Variants in CACNA1E observed in about 807,000 individuals in gnomAD.
The protein encoded by CACNA1E is voltage-dependent R-type calcium channel subunit alpha-1E.
A neutral mutation model predicts 259.2 loss-of-function variants in CACNA1E; 40 were observed. The observed-to-expected ratio is 0.15, with a 90% CI of 0.12 to 0.20. CACNA1E has a LOEUF of 0.20. Ranked by LOEUF, CACNA1E falls within the 10% of genes least tolerant of loss-of-function variation. The pLI is 1.00. For missense variants in CACNA1E, 1,874 were observed against 3,040.1 expected, an observed-to-expected ratio of 0.62 and a Z score of 9.02; for synonymous variants, 1,104 against 1,138.5, an observed-to-expected ratio of 0.97 and a Z score of 0.61.
chr1:181,480,494 C>T (rs941736224), upstream of CACNA1E, among the ~76,000 whole-genome samples: 11 of 152,208 alleles, frequency 7.2e-5, no homozygotes, highest in Non-Finnish European at 1.5e-4. Flanking sequence ...GTCGCATTTG[C>T]ACATGTAGTA....
rs137990404 is a variant in CACNA1E, at chr1:181,503,944, G to A, written c.267-6533G>A. Among the ~76,000 whole-genome samples the A allele has an allele frequency of 6.2e-4, 95 of 152,296 alleles. 3 individuals carry two copies. In the East Asian group the frequency reaches 0.015, roughly 25 times the overall value. ...AGTTACACGGAAGGCTTGGATAGCT[G>A]TATTTCATTCCTGTTCATATGTAAA... On this transcript the variant is annotated intron_variant, in intron 1 of 47. Coordinates refer to ENST00000367573, the MANE Select transcript of CACNA1E (RefSeq NM_001205293.3).
intron 6 of CACNA1E, among the ~76,000 whole-genome samples, chr1:181,608,717 C>T (rs1453569862): frequency 6.6e-6 from 1 of 152,192 alleles, no homozygotes; most frequent in Non-Finnish European, 1.5e-5. Context: ...TGCTCGATGC[C>T]ACCTTCTCCC....
At position 181,345,714 on chromosome 1, in the gene CACNA1E, A is replaced by T. The variant is rs114761771; in HGVS notation, c.-15+27591A>T. On this transcript the variant is annotated intron_variant, in intron 1 of 11. Transcript: ENST00000524607. ...CTATCCAACAACCCTCATTTTACAG[A>T]TGCACAAACTGCGGCCCAGGAAGGG... is the stretch of plus-strand genomic sequence containing the variant. Among the ~76,000 whole-genome samples, 935 of 152,266 alleles carry T rather than the reference A, an allele frequency of 6.1e-3. 3 individuals are homozygous for T. The highest frequency in any genetic ancestry group is 9.4e-3 in the Non-Finnish European group (638 of 68,018).
At chr1:181,785,278 C>A in intron 41 of CACNA1E, 40 bp from the exon 42 acceptor site, 2 of 1,180,732 alleles carry the variant, frequency 1.7e-6, no homozygotes, top group Non-Finnish European at 2.5e-6. Context: ...CTCCCATTAT[C>A]TACTCCCTGT....
intron 3 of CACNA1E, among the ~76,000 whole-genome samples, chr1:181,571,555 T>G (rs564797286): frequency 2.0e-5 from 3 of 152,348 alleles, no homozygotes; most frequent in South Asian, 4.1e-4. Context: ...GCAACTCATT[T>G]ATGTCAACTA....
At chr1:181,781,326 CCTAT>C (rs1440011289) in intron 38 of CACNA1E, 97 bp from the exon 39 acceptor site, 2 of 688,056 alleles carry the variant, frequency 2.9e-6, no homozygotes, top group African/African-American at 1.8e-5. Context: ...ATTCTCCTCT[CCTAT>C]CTGTCTGCAT....
upstream of CACNA1E, among the ~76,000 whole-genome samples, chr1:181,481,374 TCA>T (rs1553257760): frequency 9.8e-4 from 134 of 137,206 alleles, 1 homozygote; most frequent in Middle Eastern, 7.2e-3. Context: ...ACACACACTC[TCA>T]CATACATTCT....
intron 3 of CACNA1E, among the ~76,000 whole-genome samples, chr1:181,531,832 A>T (rs1327803422): frequency 6.6e-6 from 1 of 152,228 alleles, no homozygotes; most frequent in African/African-American, 2.4e-5. Flanking sequence ...AGGCGGGTCC[A>T]TCACCTGAGG....
chr1:181,684,544 T>C (rs1349204016), intron 7 of CACNA1E, among the ~76,000 whole-genome samples: 2 of 152,222 alleles, frequency 1.3e-5, no homozygotes, highest in African/African-American at 4.8e-5. Context: ...CATCATGAAA[T>C]CTTTGCCAAG....
intron 1 of CACNA1E, among the ~76,000 whole-genome samples, chr1:181,352,809 G>C (rs1653137634): frequency 6.6e-6 from 1 of 152,190 alleles, no homozygotes; most frequent in African/African-American, 2.4e-5. Flanking sequence ...TCTTTGATCT[G>C]TCTCAGTGCA....
intron 25 of CACNA1E, among the ~76,000 whole-genome samples, chr1:181,739,463 G>A (rs564383206): frequency 2.2e-4 from 34 of 152,284 alleles, no homozygotes; most frequent in African/African-American, 7.9e-4. Context: ...GGGGAAGCAG[G>A]AGTAGGGAGC....
chr1:181,417,326 T>G (rs1658346520), intron 2 of CACNA1E, among the ~76,000 whole-genome samples: 1 of 152,220 alleles, frequency 6.6e-6, no homozygotes, highest in Admixed American at 6.5e-5. Flanking sequence ...AAGCTCTTTC[T>G]TCTACCAACT....
At chr1:181,737,789 C>T (rs1022843795) in intron 23 of CACNA1E, 135 bp downstream of exon 23, 6 of 1,202,046 alleles carry the variant, frequency 5.0e-6, no homozygotes, top group East Asian at 2.4e-5. Context: ...ACTCCTGTTC[C>T]TCAGGGCGAA....
At position 181,732,780 on chromosome 1, in the gene CACNA1E, G is replaced by A. The variant is rs576877445; in HGVS notation, c.2694G>A (p.Glu898=). Residue 898 remains glutamate (E), a synonymous_variant, in exon 20 of 48, where the codon GAG becomes GAA. Transcript: ENST00000367573. This position sits in a 1 kb window ranked among gnomAD's most constrained non-coding sequence, Gnocchi z 5.5. ...GAAACTGTGACCCGACTCAGCAGGA[G>A]GCAGGGGGAGGAGAGGCTGTGGTGA... The part of the protein sequence containing the change: ...CHGNCDPTQQ[E]AGGGEAVVTF... The A allele has an allele frequency of 1.3e-6, 2 of 1,590,162 alleles. No homozygotes were observed. Among genetic ancestry groups the A allele is most frequent in the Non-Finnish European group, 1.7e-6 (2 of 1,167,922 alleles).
intron 1 of CACNA1E, among the ~76,000 whole-genome samples, chr1:181,323,687 G>A (rs1335451727): frequency 6.6e-6 from 1 of 152,186 alleles, no homozygotes; most frequent in Non-Finnish European, 1.5e-5. Flanking sequence ...TGAAAAGAAG[G>A]TAAATTGAGT....
Position 181,385,295 on chromosome 1 carries a change from T to C in CACNA1E, c.-14-27838T>C, listed in dbSNP as rs189571205. Among the ~76,000 whole-genome samples, 4 of 152,358 alleles carry C rather than the reference T, an allele frequency of 2.6e-5. No homozygotes were observed. In the East Asian group the frequency reaches 7.7e-4, roughly 29 times the overall value. Reference sequence around the variant, plus strand: ...TGCAAGTAATAAAAATCATTTCATATAAAGCTGTTGAAAAACAGGCAGTGA... The same window carrying C: ...TGCAAGTAATAAAAATCATTTCATACAAAGCTGTTGAAAAACAGGCAGTGA... On this transcript the variant is annotated intron_variant, in intron 1 of 11. Coordinates refer to the CACNA1E transcript ENST00000524607.
intron 3 of CACNA1E, among the ~76,000 whole-genome samples, chr1:181,543,531 G>GT (rs1385354704): frequency 3.3e-5 from 5 of 152,178 alleles, no homozygotes; most frequent in Non-Finnish European, 7.3e-5. Flanking sequence ...CAGAACAGCC[G>GT]TAAGAGAGCT....
chr1:181,706,968 T>C (rs182549010), intron 7 of CACNA1E, among the ~76,000 whole-genome samples: 148 of 152,368 alleles, frequency 9.7e-4, no homozygotes, highest in African/African-American at 3.4e-3. Flanking sequence ...CTATGGAATC[T>C]ATCATACCAG....
chr1:181,745,934 G>A (rs1374371268), intron 25 of CACNA1E, among the ~76,000 whole-genome samples: 3 of 152,246 alleles, frequency 2.0e-5, no homozygotes, highest in South Asian at 4.1e-4. Flanking sequence ...GTATGGTGCT[G>A]TGTATAGCAA....
Sources: allele counts gnomAD v4.1 joint callset (sites outside exome capture counted in the v4.1 genomes callset), GRCh38; gene constraint gnomAD v4.1.1; non-coding constraint Gnocchi (gnomAD v3.1); transcripts MANE v1.5; gene names NCBI Gene and HGNC (gene_info 2026-07-23, HGNC 2026-07-21).